BCL11B: variants seen among roughly 807,000 people sequenced by gnomAD.
BCL11B encodes the protein B-cell lymphoma/leukemia 11B.
Under a neutral mutation model 49.9 loss-of-function variants are expected in BCL11B, and 8 were observed. The observed-to-expected ratio is 0.16, with a 90% CI of 0.09 to 0.29. BCL11B has a LOEUF of 0.29. Among genes scored for constraint, BCL11B ranks in the 10% least tolerant of loss-of-function variants. The pLI is 1.00. For synonymous variants in BCL11B, 739 were observed against 637.4 expected (o/e 1.16, Z -2.40); for missense variants, 1,006 against 1,351.0 (o/e 0.74, Z 4.00).
intron 1 of BCL11B, among the ~76,000 whole-genome samples, chr14:99,258,928 G>T (rs543515771): frequency 6.6e-6 from 1 of 152,054 alleles, no homozygotes; most frequent in African/African-American, 2.4e-5. Flanking sequence ...GGGAGCCTAG[G>T]ACCCAAATAT....
intron 3 of BCL11B, among the ~76,000 whole-genome samples, chr14:99,196,072 C>T (rs1887170280): frequency 6.6e-6 from 1 of 152,150 alleles, no homozygotes; most frequent in Non-Finnish European, 1.5e-5. Flanking sequence ...CCCAGCGGTC[C>T]GAGGCTTCGA....
At chr14:99,254,416 G>A (rs935166396) in intron 2 of BCL11B, among the ~76,000 whole-genome samples, 9 of 152,188 alleles carry the variant, frequency 5.9e-5, no homozygotes, top group Non-Finnish European at 8.8e-5. Context: ...CCCCCTTCGG[G>A]TCTGCCTCTG....
intron 3 of BCL11B, among the ~76,000 whole-genome samples, chr14:99,191,834 C>T (rs1887039359): frequency 6.6e-6 from 1 of 152,116 alleles, no homozygotes; most frequent in Non-Finnish European, 1.5e-5. Flanking sequence ...CCTGCAACAG[C>T]GGCTGCAGGA....
At chr14:99,268,261 C>G (rs1192817334) in intron 1 of BCL11B, among the ~76,000 whole-genome samples, 2 of 151,920 alleles carry the variant, frequency 1.3e-5, no homozygotes, top group South Asian at 4.2e-4. Flanking sequence ...CCTTCTCAGA[C>G]GCTCCCTCCC....
Position 99,231,115 on chromosome 14 carries a change from G to T in BCL11B, c.640+230C>A, listed in dbSNP as rs1232562712. On this transcript the variant is annotated intron_variant, in intron 3 of 3. Coordinates refer to ENST00000357195, the MANE Select transcript of BCL11B (RefSeq NM_138576.4). This position sits in a 1 kb window ranked among gnomAD's most constrained non-coding sequence, Gnocchi z 8.1. ...TGGGAGGCTGGGGAATGCATTCTGG[G>T]AGCAAGACTCTCAGAACGGGTGGGG... Among the ~76,000 whole-genome samples the T allele has an allele frequency of 6.6e-6, 1 of 152,192 alleles. No homozygotes were observed. The highest frequency in any genetic ancestry group is 1.9e-4 in the East Asian group (1 of 5,176).
At chr14:99,253,568 C>T (rs895063039) in intron 2 of BCL11B, among the ~76,000 whole-genome samples, 1 of 152,166 alleles carries the variant, frequency 6.6e-6, no homozygotes, top group African/African-American at 2.4e-5. Context: ...CTCAGAAGGT[C>T]AAGTGGCTGC....
At chr14:99,254,437 T>A (rs1191713674) in intron 2 of BCL11B, among the ~76,000 whole-genome samples, 1 of 152,084 alleles carries the variant, frequency 6.6e-6, no homozygotes, top group African/African-American at 2.4e-5. Flanking sequence ...GAGTCCCCAC[T>A]TCTAGAAGCA....
chr14:99,174,922 G>C lies in BCL11B; in HGVS notation c.1914C>G (p.Asp638Glu). 8.0e-7 allele frequency: 1 copy of C among 1,242,896 alleles called. No individual in the cohort carries two copies. 77.0% of individuals were successfully genotyped at this position (1,242,896 alleles called of 1,614,324 possible). A position where few individuals can be genotyped will look rare whatever the true frequency, so the allele number is the denominator to read the frequency against. ...CGCCCGCGTCCCCGCAGCCGCCCGC[G>C]TCGTCGTCGTCGCCCGCGTCCCCGC... ...AGGGDAGDDD[D>E]AGGCGDAGAG... The change falls in exon 4 of 4, where the codon GAC (aspartate) becomes GAG (glutamate). Residue 638 changes from aspartate (D) to glutamate (E), a missense_variant. Physicochemically the swap from Asp to Glu is conservative, Grantham distance 45. Coordinates refer to ENST00000357195, the MANE Select transcript of BCL11B (RefSeq NM_138576.4).
At position 99,257,626 on chromosome 14, in the gene BCL11B, T is replaced by C; in HGVS notation, c.272A>G (p.Lys91Arg). 6.2e-7 allele frequency: 1 copy of C among 1,613,772 alleles called. No homozygotes were observed. Among genetic ancestry groups the C allele is most frequent in the South Asian group, 1.1e-5 (1 of 91,062 alleles). Residue 91 changes from lysine to arginine, a missense_variant, in exon 2 of 4, where the codon AAG becomes AGG. Physicochemically the swap from Lys to Arg is conservative, Grantham distance 26 (BLOSUM62 2). This residue lies in a region of BCL11B where 411 missense variants were observed against 542.2 expected (regional missense o/e 0.76). Transcript: ENST00000357195. The surrounding 1 kb of genome is among the most constrained non-coding windows in gnomAD (Gnocchi z 6.2). ...CGGSLGACYD[K>R]ALDKDSPPPS... Reference sequence around the variant, plus strand: ...TGGCGGGCTGTCCTTGTCCAGGGCCTTGTCATAGCAGGCACCCAAGCTGCC... The same window carrying C: ...TGGCGGGCTGTCCTTGTCCAGGGCCCTGTCATAGCAGGCACCCAAGCTGCC...
chr14:99,265,113 G>A (rs567169562), intron 1 of BCL11B, among the ~76,000 whole-genome samples: 1 of 152,114 alleles, frequency 6.6e-6, no homozygotes, highest in African/African-American at 2.4e-5. Context: ...AAAGAGTGCC[G>A]CAAAGTGACA....
intron 3 of BCL11B, among the ~76,000 whole-genome samples, chr14:99,176,955 C>T (rs2139764194): frequency 6.6e-6 from 1 of 152,198 alleles, no homozygotes; most frequent in African/African-American, 2.4e-5. Flanking sequence ...TGCAATACCT[C>T]TGCAACATTT....
chr14:99,188,537 CCTGGGG>C (rs71110575), intron 3 of BCL11B, among the ~76,000 whole-genome samples: 36,048 of 136,000 alleles, frequency 0.27, 5,360 homozygotes, highest in African/African-American at 0.34. Context: ...CAATGGCTGG[CCTGGGG>C]CTGGGGCTGG....
chr14:99,257,751 A>G lies in BCL11B; in HGVS notation c.147T>C (p.Gly49=). The change falls in exon 2 of 4, where the codon GGT becomes GGC. Residue 49 remains glycine, a synonymous_variant. Transcript: ENST00000357195. This position sits in a 1 kb window ranked among gnomAD's most constrained non-coding sequence, Gnocchi z 6.2. ...EEPSGLGLMV[G]GPDPDLLTCG... is the part of the protein sequence containing the mutation. ...AGGTGAGCAGGTCAGGGTCGGGGCC[A>G]CCCACCATCAGCCCCAGGCCACTTG... 6.2e-7 allele frequency: 1 copy of G among 1,607,322 alleles called. No individual in the cohort carries two copies.
rs1051706243 is a variant in BCL11B at position 99,184,193 on chromosome 14, C to T, written c.641-7998G>A. ...CCTCTCGGTGCCTCCCTTTGGGCAGCGCATTTTCACACCTCCATGCCCTTG... is the reference window on the plus strand; with the variant it reads ...CCTCTCGGTGCCTCCCTTTGGGCAGTGCATTTTCACACCTCCATGCCCTTG... On this transcript the variant is annotated intron_variant, in intron 3 of 3. Coordinates refer to ENST00000357195, the MANE Select transcript of BCL11B (RefSeq NM_138576.4). The surrounding 1 kb of genome is among the most constrained non-coding windows in gnomAD (Gnocchi z 6.1). 3.3e-5 allele frequency among the ~76,000 whole-genome samples: 5 copies of T among 152,168 alleles called. No homozygotes were observed. Among genetic ancestry groups the T allele is most frequent in the Non-Finnish European group, 5.9e-5 (4 of 68,032 alleles).
At chr14:99,201,526 A>T (rs1471303130) in intron 3 of BCL11B, among the ~76,000 whole-genome samples, 1 of 152,086 alleles carries the variant, frequency 6.6e-6, no homozygotes, top group Non-Finnish European at 1.5e-5. Context: ...CCCACCTCCC[A>T]TGACAAGGCT....
intron 2 of BCL11B, among the ~76,000 whole-genome samples, chr14:99,244,700 A>G (rs1181426650): frequency 6.6e-6 from 1 of 152,206 alleles, no homozygotes; most frequent in Non-Finnish European, 1.5e-5. Flanking sequence ...TGCAAAAAAT[A>G]AATTGACAAA....
rs1028719274 is a variant in BCL11B at position 99,181,236 on chromosome 14, T to TG, written c.641-5042dup. The stretch of plus-strand genomic sequence containing the variant: ...AGGGCCCGGGGTGATATCCTGAGGT[T>TG]GGGGGGCTAAAGTAAGAACTGGATT... On this transcript the variant is annotated intron_variant, in intron 3 of 3. Coordinates refer to ENST00000357195, the MANE Select transcript of BCL11B (RefSeq NM_138576.4). 7.9e-5 allele frequency among the ~76,000 whole-genome samples: 12 copies of TG among 152,254 alleles called. No homozygotes were observed. The South Asian group carries it at 8.3e-4, about 11-fold the overall frequency.
At chr14:99,240,383 T>C (rs1334952811) in intron 2 of BCL11B, among the ~76,000 whole-genome samples, 4 of 152,242 alleles carry the variant, frequency 2.6e-5, no homozygotes, top group Non-Finnish European at 5.9e-5. Context: ...CCTTTCATTT[T>C]TTTTCCTTTT....
In BCL11B at chr14:99,175,255, G is replaced by A; in HGVS notation, c.1581C>T (p.Gly527=). 1.3e-6 allele frequency: 2 copies of A among 1,543,796 alleles called. No individual in the cohort carries two copies. Among genetic ancestry groups the A allele is most frequent in the Non-Finnish European group, 8.7e-7 (1 of 1,148,762 alleles). The change falls in exon 4 of 4, where the codon GGC becomes GGT. Residue 527 remains glycine, a synonymous_variant. Transcript: ENST00000357195. Reference sequence around the variant, plus strand: ...CCTCGTCCTCCTCCTCCGGCTCGTGGCCCAGCGACGGGTCGCTCTCGTGGT... The same window carrying A: ...CCTCGTCCTCCTCCTCCGGCTCGTGACCCAGCGACGGGTCGCTCTCGTGGT... ...FRHHESDPSL[G]HEPEEEDEEE...
Sources: allele counts gnomAD v4.1 joint callset (sites outside exome capture counted in the v4.1 genomes callset), GRCh38; gene constraint gnomAD v4.1.1; regional missense constraint gnomAD v4.1.1; non-coding constraint Gnocchi (gnomAD v3.1); transcripts MANE v1.5; gene names NCBI Gene and HGNC (gene_info 2026-07-23, HGNC 2026-07-21).